Variants in CHD9 observed in about 807,000 individuals in gnomAD.
The protein encoded by CHD9 is ATP-dependent chromatin remodeler CHD9.
A neutral mutation model predicts 316.1 loss-of-function variants in CHD9; 77 were observed. The observed-to-expected ratio is 0.24, with a 90% CI of 0.20 to 0.29. The LOEUF is 0.29. Among genes scored for constraint, CHD9 ranks in the 10% least tolerant of loss-of-function variants. The pLI is 1.00. For synonymous variants in CHD9, 1,129 were observed against 1,158.3 expected (o/e 0.97, Z 0.51); for missense variants, 2,763 against 3,438.1 (o/e 0.80, Z 4.91).
chr16:53,310,737 G>C (rs987996486), intron 34 of CHD9: 25 of 151,190 alleles, frequency 1.7e-4, no homozygotes, highest in Admixed American at 9.3e-4. Flanking sequence ...CAGATTCCCA[G>C]CTACTCAGGA....
At chr16:53,254,029 TAGTC>T (rs2050351278) in intron 17 of CHD9, among the ~76,000 whole-genome samples, 1 of 151,848 alleles carries the variant, frequency 6.6e-6, no homozygotes, top group Non-Finnish European at 1.5e-5. Context: ...ATACAAAAAT[TAGTC>T]AGATGTGGTG....
At chr16:53,193,249 C>G (rs553072721) in intron 2 of CHD9, among the ~76,000 whole-genome samples, 1 of 152,084 alleles carries the variant, frequency 6.6e-6, no homozygotes, top group African/African-American at 2.4e-5. Context: ...GAGATCGAGA[C>G]CATCCTGGCT....
chr16:53,315,036 T>C lies in CHD9; in HGVS notation c.7576T>C (p.Phe2526Leu), dbSNP rs2153102647. Residue 2526 changes from phenylalanine to leucine, a missense_variant, in exon 36 of 39, where the codon TTT (phenylalanine) becomes CTT (leucine). Physicochemically the swap from Phe to Leu is conservative, Grantham distance 22. This residue lies in a region of CHD9 where 663 missense variants were observed against 751.2 expected (regional missense o/e 0.88). Transcript: ENST00000447540. ...GGGTTATGTGGAAGATTTGGGAGCT[T>C]TTATTCCTGTAGGTGACACCTTAAA... ...HPGYVEDLGA[F>L]IPRMQLHEGR... 1 of 1,611,542 alleles carries C rather than the reference T, an allele frequency of 6.2e-7. No homozygotes were observed. The highest frequency in any genetic ancestry group is 2.2e-5 in the East Asian group (1 of 44,836).
At chr16:53,202,441 C>T (rs2045542442) in intron 2 of CHD9, among the ~76,000 whole-genome samples, 1 of 149,210 alleles carries the variant, frequency 6.7e-6, no homozygotes, top group Non-Finnish European at 1.5e-5. Context: ...TCTTAAGTCT[C>T]ATCTACTCTG....
At chr16:53,065,976 AG>A (rs2033463142) in intron 1 of CHD9, among the ~76,000 whole-genome samples, 1 of 152,186 alleles carries the variant, frequency 6.6e-6, no homozygotes, top group African/African-American at 2.4e-5. Context: ...CAGTAATCAC[AG>A]ATGTTGCGTG....
intron 1 of CHD9, among the ~76,000 whole-genome samples, chr16:53,075,761 C>T (rs7196934): frequency 0.023 from 3,475 of 152,280 alleles, 131 homozygotes; most frequent in African/African-American, 0.079. Context: ...CCCAGACTCA[C>T]ATATGTCTTT....
chr16:53,236,621 C>G (rs1450769686), intron 11 of CHD9, among the ~76,000 whole-genome samples: 7 of 148,612 alleles, frequency 4.7e-5, no homozygotes, highest in Non-Finnish European at 9.0e-5. Context: ...CATTCCCCCC[C>G]ACCACCACCA....
intron 1 of CHD9, among the ~76,000 whole-genome samples, chr16:53,107,396 G>A (rs1279693912): frequency 3.3e-5 from 5 of 150,640 alleles, no homozygotes; most frequent in African/African-American, 1.2e-4. Flanking sequence ...GGAGGTGGAG[G>A]TTGCAGTGAG....
chr16:53,320,957 C>T (rs62049811), intron 37 of CHD9, among the ~76,000 whole-genome samples: 4 of 151,986 alleles, frequency 2.6e-5, no homozygotes, highest in African/African-American at 7.2e-5. Flanking sequence ...TCAGTTTCTT[C>T]GTTTGAAAAA....
At chr16:53,244,863 T>C (rs556100881) in intron 13 of CHD9, among the ~76,000 whole-genome samples, 67 of 152,234 alleles carry the variant, frequency 4.4e-4, no homozygotes, top group Admixed American at 2.0e-3. Context: ...GTACCGTGGC[T>C]CACACCTGTA....
At chr16:53,284,383 T>C (rs1008768619) in intron 24 of CHD9, among the ~76,000 whole-genome samples, 10 of 151,604 alleles carry the variant, frequency 6.6e-5, no homozygotes, top group Non-Finnish European at 1.5e-4. Flanking sequence ...TATTTGTGTA[T>C]GTATATATAA....
intron 1 of CHD9, among the ~76,000 whole-genome samples, chr16:53,131,507 T>A (rs1374041430): frequency 6.7e-6 from 1 of 149,728 alleles, no homozygotes; most frequent in Non-Finnish European, 1.5e-5. Context: ...GCGCCTGTCA[T>A]GGCTGCGGGC....
chr16:53,227,479 A>G lies in CHD9; in HGVS notation c.2112+15A>G, dbSNP rs767552768. ...TAAAAAAGGAAGTAAGTACTGGTAC[A>G]TTACATTTTACACTTCATATTCTGT... On this transcript the variant is annotated intron_variant, in intron 6 of 38. Transcript: ENST00000447540. 35 of 1,519,672 alleles carry G rather than the reference A, an allele frequency of 2.3e-5. No individual in the cohort carries two copies. Among genetic ancestry groups the G allele is most frequent in the East Asian group, 7.2e-5 (3 of 41,826 alleles). 94.1% of individuals were successfully genotyped at this position (1,519,672 alleles called of 1,614,324 possible).
At chr16:53,126,182 C>T (rs1325074483) in intron 1 of CHD9, among the ~76,000 whole-genome samples, 1 of 152,206 alleles carries the variant, frequency 6.6e-6, no homozygotes, top group African/African-American at 2.4e-5. Flanking sequence ...AGCTTTACCT[C>T]TTACATTTAG....
intron 3 of CHD9, among the ~76,000 whole-genome samples, chr16:53,216,018 A>C (rs2046733951): frequency 6.6e-6 from 1 of 152,166 alleles, no homozygotes; most frequent in Non-Finnish European, 1.5e-5. Flanking sequence ...ACATTTTGCT[A>C]ACATTGATAA....
chr16:53,271,355 G>T (rs891989582), intron 22 of CHD9, among the ~76,000 whole-genome samples: 1 of 152,090 alleles, frequency 6.6e-6, no homozygotes, highest in Non-Finnish European at 1.5e-5. Context: ...GATCACTTGA[G>T]GTCAAGAGTT....
chr16:53,304,716 T>G, intron 31 of CHD9, 91 bp downstream of exon 31: 1 of 1,078,082 alleles, frequency 9.3e-7, no homozygotes. Flanking sequence ...TTTTTTGAGA[T>G]GGAGTTTTGC....
intron 16 of CHD9, among the ~76,000 whole-genome samples, chr16:53,249,435 A>G (rs2049951241): frequency 6.6e-6 from 1 of 152,246 alleles, no homozygotes. Context: ...TGTATTCTTA[A>G]TAGATTGCAA....
chr16:53,206,360 A>G (rs1478603287), intron 2 of CHD9, among the ~76,000 whole-genome samples: 12 of 110,234 alleles, frequency 1.1e-4, no homozygotes, highest in East Asian at 4.8e-4. Context: ...GGGCACCGGG[A>G]AAAAAAAAAA....
Sources: gnomAD v4.1 joint callset for allele counts (sites outside exome capture counted in the v4.1 genomes callset) on GRCh38, gnomAD v4.1.1 for gene constraint, gnomAD v4.1.1 regional missense constraint, MANE v1.5 for transcripts, NCBI Gene and HGNC (gene_info 2026-07-23, HGNC 2026-07-21) for gene names.